ANK1: variants seen among roughly 807,000 people sequenced by gnomAD.
ANK1 encodes ankyrin-1.
In ANK1, 51 loss-of-function variants were observed where a neutral mutation model predicts 210.4. The ratio of observed to expected loss-of-function variants is 0.24; its 90% CI spans 0.19 to 0.31. ANK1 has a LOEUF of 0.31. ANK1 is among the 10% of genes least tolerant of loss of function. The pLI is 1.00. For missense variants in ANK1, 2,051 were observed against 2,504.4 expected, an observed-to-expected ratio of 0.82 and a Z score of 3.86; for synonymous variants, 967 against 1,025.9, an observed-to-expected ratio of 0.94 and a Z score of 1.10.
intron 1 of ANK1, among the ~76,000 whole-genome samples, chr8:41,803,692 A>T: frequency 1.3e-5 from 2 of 151,616 alleles, no homozygotes; most frequent in South Asian, 2.1e-4. Context: ...TTTATGTAAG[A>T]CTTTTGTGAA....
At chr8:41,838,788 T>C (rs1420412189) in intron 1 of ANK1, among the ~76,000 whole-genome samples, 1 of 141,024 alleles carries the variant, frequency 7.1e-6, no homozygotes, top group Non-Finnish European at 1.5e-5. Context: ...ATAATAATAA[T>C]AATAAAGGCC....
chr8:41,717,667 C>G lies in ANK1; in HGVS notation c.1242G>C (p.Met414Ile). The G allele has an allele frequency of 6.4e-7, 1 of 1,551,692 alleles. No individual in the cohort carries two copies. Among genetic ancestry groups the G allele is most frequent in the Non-Finnish European group, 8.7e-7 (1 of 1,147,002 alleles). Residue 414 changes from methionine to isoleucine, a missense_variant, in exon 12 of 43, where the codon ATG becomes ATC. Physicochemically the swap from Met to Ile is conservative, Grantham distance 10 (BLOSUM62 1). Around this residue, in one of 6 missense-constraint regions of ANK1, gnomAD observed 1,413 missense variants for 1,707.4 expected, o/e 0.83. Coordinates refer to ENST00000289734, the MANE Select transcript of ANK1 (RefSeq NM_000037.4). ...GGTTCTTCACGATGGGAAGGTGCCC[C>G]ATGAAGGAGGCCACGTGGAGAGGTG... is the stretch of plus-strand genomic sequence containing the variant. Reference protein sequence around the residue: ...GLTPLHVASFMGHLPIVKNLL... With the variant: ...GLTPLHVASFIGHLPIVKNLL...
chr8:41,831,203 G>A (rs11986335), intron 1 of ANK1, among the ~76,000 whole-genome samples: 6,144 of 152,166 alleles, frequency 0.04, 390 homozygotes, highest in African/African-American at 0.13. Flanking sequence ...CTGTAAAACC[G>A]AAAGCCCCTC....
In ANK1 at chr8:41,661,483, T is replaced by G; in HGVS notation, c.5626A>C (p.Lys1876Gln). Residue 1876 changes from lysine (K) to glutamine (Q), a missense_variant, in exon 42 of 43, where the codon AAA becomes CAA. Physicochemically the swap from Lys to Gln is moderately conservative, Grantham distance 53 (BLOSUM62 1). This residue lies in a region of ANK1 where 496 missense variants were observed against 533.4 expected (regional missense o/e 0.93). Coordinates refer to ENST00000289734, the MANE Select transcript of ANK1 (RefSeq NM_000037.4). ...GCTCGGGGTCACTGTTTCCCCCTTT[T>G]CAGGCTGGCCCGCTTCACTATCTGC... is the stretch of plus-strand genomic sequence containing the variant. ...GAQIVKRASL[K>Q]RGKQ 5 of 1,614,024 alleles carry G rather than the reference T, an allele frequency of 3.1e-6. No homozygotes were observed. Among genetic ancestry groups the G allele is most frequent in the Non-Finnish European group, 1.7e-6 (2 of 1,180,006 alleles).
At chr8:41,745,465 G>A (rs1835876846) in intron 2 of ANK1, among the ~76,000 whole-genome samples, 3 of 152,146 alleles carry the variant, frequency 2.0e-5, no homozygotes, top group Non-Finnish European at 4.4e-5. Flanking sequence ...CGGGAGATGC[G>A]GGAATTCTCT....
In ANK1 at chr8:41,694,908, C is replaced by T. The variant is rs186368153; in HGVS notation, c.3116-105G>A. Reference sequence around the variant, plus strand: ...GTCCCCAAGACCCAGTGCACACACCCTCCCCAGGTGCCGGGCGGCATAGTG... The same window carrying T: ...GTCCCCAAGACCCAGTGCACACACCTTCCCCAGGTGCCGGGCGGCATAGTG... On this transcript the variant is annotated intron_variant, in intron 27 of 42. Transcript: ENST00000289734. This position sits in a 1 kb window ranked among gnomAD's most constrained non-coding sequence, Gnocchi z 5.7. 98 of 1,259,020 alleles carry T rather than the reference C, an allele frequency of 7.8e-5. 1 individual carries two copies. The highest frequency in any genetic ancestry group is 7.5e-4 in the East Asian group (31 of 41,232). 78.0% of individuals were successfully genotyped at this position (1,259,020 alleles called of 1,614,324 possible).
chr8:41,703,422 G>GTGTATATATATATATATA (rs1286560913), intron 20 of ANK1, among the ~76,000 whole-genome samples: 4 of 53,760 alleles, frequency 7.4e-5, no homozygotes, highest in Non-Finnish European at 1.4e-4. Context: ...GTGTGTGTGT[G>GTGTATATATATATATATA]TATATATATA....
At chr8:41,743,723 G>A (rs1835357535) in intron 2 of ANK1, among the ~76,000 whole-genome samples, 1 of 152,198 alleles carries the variant, frequency 6.6e-6, no homozygotes, top group Non-Finnish European at 1.5e-5. Context: ...GTGAAGGACT[G>A]TACAAACATG....
At chr8:41,880,651 G>A (rs1817425025) in intron 1 of ANK1, among the ~76,000 whole-genome samples, 1 of 152,228 alleles carries the variant, frequency 6.6e-6, no homozygotes, top group South Asian at 2.1e-4. Context: ...CACCTGAGCT[G>A]CGCGAGGCAC....
chr8:41,798,976 C>T (rs1048915281), upstream of ANK1, among the ~76,000 whole-genome samples: 5 of 152,146 alleles, frequency 3.3e-5, no homozygotes, highest in South Asian at 2.1e-4. Context: ...CTTCATGACC[C>T]GTCTGTGTTT....
intron 2 of ANK1, among the ~76,000 whole-genome samples, chr8:41,751,647 G>A (rs2150702653): frequency 6.6e-6 from 1 of 152,148 alleles, no homozygotes; most frequent in Middle Eastern, 3.4e-3. Flanking sequence ...TCCAAGCCTG[G>A]GCAGCAAGTC....
At position 41,672,544 on chromosome 8, in the gene ANK1, C is replaced by A; in HGVS notation, c.4906G>T (p.Asp1636Tyr). The A allele has an allele frequency of 6.2e-7, 1 of 1,614,244 alleles. No homozygotes were observed. The highest frequency in any genetic ancestry group is 8.5e-7 in the Non-Finnish European group (1 of 1,180,040). Residue 1636 changes from aspartate to tyrosine, a missense_variant, in exon 38 of 43, where the codon GAT becomes TAT. Coordinates refer to ENST00000289734, the MANE Select transcript of ANK1 (RefSeq NM_000037.4). ...VDSDATNGLI[D>Y]LLEQEEGQRS... ...TGACCTTCCTCCTGTTCAAGCAAAT[C>A]GATAAGGCCATTTGTGGCATCTGAA...
chr8:41,672,618 C>T lies in ANK1; in HGVS notation c.4832G>A (p.Arg1611Gln), dbSNP rs538742550. The change falls in exon 38 of 43, where the codon CGG becomes CAG. Residue 1611 changes from arginine (R) to glutamine (Q), a missense_variant. Transcript: ENST00000289734. ...TTCCAGAGAGCCCAACTCGGGGCCC[C>T]GCGGTTCCTCTGAGAGTGCCCCCTC... is the stretch of plus-strand genomic sequence containing the variant. ...KLEGALSEEP[R>Q]GPELGSLELV... 7 of 1,614,212 alleles carry T rather than the reference C, an allele frequency of 4.3e-6. No individual in the cohort carries two copies. The highest frequency in any genetic ancestry group is 2.7e-5 in the African/African-American group (2 of 75,056).
At chr8:41,889,042 T>C (rs1818940559) in intron 1 of ANK1, among the ~76,000 whole-genome samples, 1 of 152,220 alleles carries the variant, frequency 6.6e-6, no homozygotes, top group Non-Finnish European at 1.5e-5. Context: ...GGTCTCACCA[T>C]GTTGCCCAGG....
intron 1 of ANK1, among the ~76,000 whole-genome samples, chr8:41,822,858 G>A (rs746797929): frequency 1.2e-4 from 19 of 152,240 alleles, no homozygotes; most frequent in Non-Finnish European, 2.2e-4. Flanking sequence ...AGCACAGCAC[G>A]AGAGCGGGGG....
chr8:41,740,681 C>T (rs1834570077), intron 2 of ANK1, among the ~76,000 whole-genome samples: 1 of 152,174 alleles, frequency 6.6e-6, no homozygotes, highest in African/African-American at 2.4e-5. Context: ...TATACACATT[C>T]ATGTAATCAC....
At chr8:41,701,918 C>T (rs530332797) in intron 21 of ANK1, 134 bp downstream of exon 21, 2 of 933,420 alleles carry the variant, frequency 2.1e-6, no homozygotes, top group South Asian at 2.9e-5. Context: ...GACAAGCTCC[C>T]ACCCGTCGGG....
At chr8:41,828,928 T>G (rs1448218561) in intron 1 of ANK1, 1 of 152,258 alleles carries the variant, frequency 6.6e-6, no homozygotes, top group Non-Finnish European at 1.5e-5. Context: ...GCCGCCCTCC[T>G]CGGGGCCCAT....
chr8:41,782,512 C>T lies in ANK1; in HGVS notation c.27+15000G>A, dbSNP rs538630380. Among the ~76,000 whole-genome samples the T allele has an allele frequency of 5.3e-5, 8 of 152,240 alleles. No homozygotes were observed. In the South Asian group the frequency reaches 1.5e-3, roughly 28 times the overall value. On this transcript the variant is annotated intron_variant, in intron 1 of 42. Transcript: ENST00000289734. ...AGATCTTATTTCCCAGAGGGAGCAG[C>T]GTACGGACTGAGTGAGCCCTGCATC...
Sources: gnomAD v4.1 joint callset for allele counts (sites outside exome capture counted in the v4.1 genomes callset) on GRCh38, gnomAD v4.1.1 for gene constraint, gnomAD v4.1.1 regional missense constraint, Gnocchi (gnomAD v3.1) non-coding constraint, MANE v1.5 for transcripts, NCBI Gene and HGNC (gene_info 2026-07-23, HGNC 2026-07-21) for gene names.